The following UNC45A variants were observed in gnomAD, a reference collection of about 807,000 sequenced individuals.
The protein encoded by UNC45A is protein unc-45 homolog A.
Under a neutral mutation model 103.2 loss-of-function variants are expected in UNC45A, and 78 were observed. The ratio of observed to expected loss-of-function variants is 0.76; its 90% confidence interval spans 0.63 to 0.91. The LOEUF (loss-of-function observed/expected upper bound fraction) is 0.91. Ranked by LOEUF, UNC45A falls within the 40% of genes least tolerant of loss-of-function variation. The pLI, the probability that UNC45A is intolerant of heterozygous loss-of-function variation, is 0.00. For missense variants in UNC45A, 1,193 were observed against 1,224.8 expected (o/e 0.97, Z 0.39); for synonymous variants, 495 against 504.6 (o/e 0.98, Z 0.25).
chr15:90,935,573 G>A lies in UNC45A; in HGVS notation c.81G>A (p.Glu27=). The A allele has an allele frequency of 1.2e-6, 2 of 1,611,414 alleles. No homozygotes were observed. Among genetic ancestry groups the A allele is most frequent in the Non-Finnish European group, 8.5e-7 (1 of 1,178,828 alleles). The change falls in exon 2 of 20, where the codon GAG becomes GAA. Residue 27 remains glutamate (E), a synonymous_variant. Transcript: ENST00000418476. ...GASSVEQLRK[E]GNELFKCGDY... is the part of the protein sequence containing the mutation. ...GCTCAGTGGAGCAGCTGCGGAAGGA[G>A]GGCAATGAGCTGTTCAAATGTGGAG...
Position 90,936,267 on chromosome 15 carries a change from G to A in UNC45A, c.251-18G>A, listed in dbSNP as rs1470468921. The stretch of plus-strand genomic sequence containing the variant: ...CAGTGGCCTCATGGGTGCTGACAGC[G>A]CTCCTGTTTGTGCTCAGCCATTGAA... On this transcript the variant is annotated intron_variant, in intron 3 of 19. Coordinates refer to ENST00000418476, the MANE Select transcript of UNC45A (RefSeq NM_018671.5). 8 of 1,605,052 alleles carry A rather than the reference G, an allele frequency of 5.0e-6. No homozygotes were observed. The highest frequency in any genetic ancestry group is 3.3e-5 in the South Asian group (3 of 90,202).
At chr15:90,935,278 C>A (rs1253953305), upstream of UNC45A, 7 of 1,565,360 alleles carry the variant, frequency 4.5e-6, no homozygotes, top group Non-Finnish European at 6.1e-6. Context: ...CAGACTCGCC[C>A]CGCCCCAGAG....
chr15:90,939,617 C>A, intron 4 of UNC45A, 114 bp from the exon 5 acceptor site: 1 of 1,118,886 alleles, frequency 8.9e-7, no homozygotes, highest in Non-Finnish European at 1.3e-6. Flanking sequence ...TAGCCCTGAG[C>A]CTGGACATCT....
Position 90,953,896 on chromosome 15 carries a change from G to A in UNC45A, c.*180G>A. On this transcript the variant is annotated 3_prime_UTR_variant, in exon 20 of 20. Transcript: ENST00000418476. ...CGGCCACGTTCAGTCACACAGCCCT[G>A]CTTGGCCAGCACTGCCTGCAGCCTC... 1.2e-6 allele frequency: 1 copy of A among 867,118 alleles called. No homozygotes were observed. Among genetic ancestry groups the A allele is most frequent in the South Asian group, 1.7e-5 (1 of 57,452 alleles). The allele number at this position is 867,118 out of a possible 1,614,324, so 53.7% of individuals were successfully genotyped here.
At chr15:90,951,179 T>C (rs552948352) in intron 17 of UNC45A, among the ~76,000 whole-genome samples, 1 of 152,312 alleles carries the variant, frequency 6.6e-6, no homozygotes, top group Non-Finnish European at 1.5e-5. Context: ...GGCTAATTTT[T>C]GTATTTTTGT....
chr15:90,931,522 GA>G, upstream of UNC45A: 1 of 1,614,188 alleles, frequency 6.2e-7, no homozygotes, highest in Non-Finnish European at 8.5e-7. Context: ...GAGCTGTCCT[GA>G]AAACTTCCCC....
In UNC45A at chr15:90,950,004, A is replaced by G. The variant is rs527491196; in HGVS notation, c.2074-150A>G. ...ATGTCCAGCCCTTATTAGGTGTTTC[A>G]GGAAGTGTTTGGATGCAGAGGGTCT... On this transcript the variant is annotated intron_variant, in intron 15 of 19. Transcript: ENST00000418476. The G allele has an allele frequency of 4.7e-5, 35 of 741,124 alleles. No homozygotes were observed. The East Asian group carries it at 8.1e-4, about 17-fold the overall frequency. The allele number at this position is 741,124 out of a possible 1,614,324, so 45.9% of individuals were successfully genotyped here.
intron 15 of UNC45A, 132 bp downstream of exon 15, chr15:90,949,852 C>G: frequency 3.0e-6 from 3 of 996,650 alleles, no homozygotes; most frequent in Non-Finnish European, 4.6e-6. Context: ...GAACACCGTC[C>G]CGCTGAGAGA....
chr15:90,949,277 T>C, intron 13 of UNC45A, 39 bp from the exon 14 acceptor site: 1 of 1,586,464 alleles, frequency 6.3e-7, no homozygotes, highest in Admixed American at 1.8e-5. Flanking sequence ...TCTCTGTGAG[T>C]CAGCCTAGGC....
chr15:90,934,228 G>A, upstream of UNC45A: 1 of 399,588 alleles, frequency 2.5e-6, no homozygotes, highest in Non-Finnish European at 4.4e-6. Context: ...TGGGTGGAAG[G>A]GCATCTTTTC....
chr15:90,935,901 A>T (rs745389650), intron 2 of UNC45A, 45 bp from the exon 3 acceptor site: 1 of 1,613,458 alleles, frequency 6.2e-7, no homozygotes, highest in Admixed American at 1.7e-5. Flanking sequence ...TAGTGCCCCG[A>T]GAGGGAGATG....
intron 4 of UNC45A, among the ~76,000 whole-genome samples, chr15:90,938,664 ATTATTTAT>A (rs1029182156): frequency 1.3e-5 from 2 of 151,686 alleles, no homozygotes; most frequent in Non-Finnish European, 2.9e-5. Context: ...CCCCATTCAG[ATTATTTAT>A]TTATTTATTT....
At chr15:90,951,834 C>G (rs746517099) in intron 17 of UNC45A, among the ~76,000 whole-genome samples, 6 of 152,170 alleles carry the variant, frequency 3.9e-5, no homozygotes, top group Non-Finnish European at 8.8e-5. Flanking sequence ...AGGAGGATCA[C>G]TTGAGCCTGG....
At position 90,942,942 on chromosome 15, in the gene UNC45A, G is replaced by C. The variant is rs1469453620; in HGVS notation, c.887G>C (p.Ser296Thr). 4 of 1,612,828 alleles carry C rather than the reference G, an allele frequency of 2.5e-6. No homozygotes were observed. In the African/African-American group the frequency reaches 5.3e-5, roughly 22 times the overall value. Residue 296 changes from serine to threonine, a missense_variant, in exon 8 of 20, where the codon AGT (serine) becomes ACT (threonine). By Grantham distance (58) the Ser-to-Thr change is moderately conservative (BLOSUM62 1). Transcript: ENST00000418476. ...DPARELKVLI[S>T]NLLDLLTEVG... is the part of the protein sequence containing the mutation. Reference sequence around the variant, plus strand: ...GCCCGGGAGCTGAAGGTCCTCATCAGTAACCTCTTAGATCTGCTGACAGAG... The same window carrying C: ...GCCCGGGAGCTGAAGGTCCTCATCACTAACCTCTTAGATCTGCTGACAGAG...
chr15:90,948,646 C>T lies in UNC45A; in HGVS notation c.1738-8C>T, dbSNP rs1210741983. ...GATGCCCATGTGAATTCCTCTGTGT[C>T]CTGGCAGTTGGAGGAGAGGTCAGTG... On this transcript the variant is annotated splice_polypyrimidine_tract_variant and splice_region_variant and intron_variant, in intron 12 of 19. Transcript: ENST00000418476. 6.2e-7 allele frequency: 1 copy of T among 1,613,278 alleles called. No homozygotes were observed.
chr15:90,944,800 T>G (rs1321218970), intron 8 of UNC45A, 92 bp from the exon 9 acceptor site: 42 of 1,453,836 alleles, frequency 2.9e-5, no homozygotes, highest in Non-Finnish European at 3.7e-5. Context: ...CCTTCTTGTC[T>G]TGCTTTTCTC....
upstream of UNC45A, chr15:90,931,775 G>A (rs1488024232): frequency 8.1e-6 from 13 of 1,614,088 alleles, no homozygotes; most frequent in Non-Finnish European, 1.1e-5. Context: ...TTTGGCCCCG[G>A]GGCTACTGTG....
In UNC45A at chr15:90,954,007, A is replaced by G. The variant is rs1596248301; in HGVS notation, c.*291A>G. On this transcript the variant is annotated 3_prime_UTR_variant, in exon 20 of 20. Coordinates refer to ENST00000418476, the MANE Select transcript of UNC45A (RefSeq NM_018671.5). The stretch of plus-strand genomic sequence containing the variant: ...CAACACAGCCTGTGGATCCTGGGGC[A>G]TCTGGAAGGGCGCACACATCAGCAG... The G allele has an allele frequency of 6.5e-6, 3 of 461,876 alleles. No homozygotes were observed. Among genetic ancestry groups the G allele is most frequent in the East Asian group, 4.0e-5 (1 of 25,190 alleles). The allele number at this position is 461,876 out of a possible 1,614,324, so 28.6% of individuals were successfully genotyped here.
chr15:90,951,842 T>TG (rs759598731), intron 17 of UNC45A, among the ~76,000 whole-genome samples: 45 of 151,982 alleles, frequency 3.0e-4, no homozygotes, highest in Non-Finnish European at 5.9e-4. Flanking sequence ...CACTTGAGCC[T>TG]GGGGGGGTCA....
Sources: gnomAD v4.1 joint callset for allele counts (sites outside exome capture counted in the v4.1 genomes callset) on GRCh38, gnomAD v4.1.1 for gene constraint, MANE v1.5 for transcripts, NCBI Gene and HGNC (gene_info 2026-07-23, HGNC 2026-07-21) for gene names.